ESD: variants seen among roughly 807,000 people sequenced by gnomAD.
The protein encoded by ESD is S-formylglutathione hydrolase.
In ESD, 34 loss-of-function variants were observed where a neutral mutation model predicts 38.1. That is an observed-to-expected ratio of 0.89 (90% CI 0.68 to 1.19). The LOEUF is 1.19. Among genes scored for constraint, ESD ranks in the 50% most tolerant of loss-of-function variants. The pLI is 0.00. For synonymous variants in ESD, 97 were observed against 107.0 expected, an observed-to-expected ratio of 0.91 and a Z score of 0.58; for missense variants, 334 against 327.2, an observed-to-expected ratio of 1.02 and a Z score of -0.16.
At chr13:46,775,946 G>C (rs371126449) in intron 9 of ESD, 31 of 225,734 alleles carry the variant, frequency 1.4e-4, no homozygotes, top group African/African-American at 6.5e-4. Flanking sequence ...TTCAGACTTT[G>C]TTGGCAGGCA....
At position 46,784,239 on chromosome 13, in the gene ESD, C is replaced by T. The variant is rs1326051070; in HGVS notation, c.256+13G>A. On this transcript the variant is annotated intron_variant, in intron 5 of 9. Transcript: ENST00000378720. ...AGATTTTTACAAAGGATATCTAGAC[C>T]ACAAACACTTACGAGGGCTGGTATC... 6.2e-7 allele frequency: 1 copy of T among 1,600,758 alleles called. No individual in the cohort carries two copies. The highest frequency in any genetic ancestry group is 8.6e-7 in the Non-Finnish European group (1 of 1,169,542).
intron 4 of ESD, 49 bp from the exon 5 acceptor site, chr13:46,784,399 G>A (rs1260132943): frequency 2.0e-5 from 26 of 1,321,616 alleles, no homozygotes; most frequent in Non-Finnish European, 2.8e-5. Context: ...ATGAAGATGT[G>A]CACCATTAAT....
intron 9 of ESD, chr13:46,777,237 CAA>C (rs1193361194): frequency 3.5e-5 from 12 of 339,212 alleles, no homozygotes; most frequent in Middle Eastern, 8.6e-4. Context: ...TGATGGAAAA[CAA>C]TATTTTTCAC....
At chr13:46,771,554 G>T in intron 9 of ESD, 58 bp from the exon 10 acceptor site, 1 of 1,092,846 alleles carries the variant, frequency 9.2e-7, no homozygotes, top group South Asian at 1.3e-5. Context: ...TCAGTATTAG[G>T]AACATTAAAT....
chr13:46,794,185 C>A (rs1042223307), intron 1 of ESD, among the ~76,000 whole-genome samples: 6 of 149,726 alleles, frequency 4.0e-5, no homozygotes, highest in East Asian at 2.1e-4. Flanking sequence ...ACAACAACAA[C>A]AAAAACAGAA....
chr13:46,779,600 T>G (rs1272773794), intron 8 of ESD, among the ~76,000 whole-genome samples: 2 of 150,658 alleles, frequency 1.3e-5, no homozygotes, highest in Non-Finnish European at 3.0e-5. Context: ...GAAGTGATGT[T>G]AATTTAGAAA....
chr13:46,781,381 A>G, intron 7 of ESD, 115 bp downstream of exon 7: 1 of 934,682 alleles, frequency 1.1e-6, no homozygotes, highest in Non-Finnish European at 1.5e-6. Flanking sequence ...AAAGTTCTCA[A>G]CACTAGAAAA....
intron 9 of ESD, among the ~76,000 whole-genome samples, chr13:46,775,013 C>G (rs1874740790): frequency 6.6e-6 from 1 of 152,032 alleles, no homozygotes; most frequent in Non-Finnish European, 1.5e-5. Context: ...TTCTATTCCA[C>G]AAAAAGAGAT....
chr13:46,789,522 A>C (rs1875315100), intron 3 of ESD, among the ~76,000 whole-genome samples: 1 of 152,186 alleles, frequency 6.6e-6, no homozygotes, highest in African/African-American at 2.4e-5. Flanking sequence ...TTGTTGGTGT[A>C]GATCTATTTT....
chr13:46,771,466 T>C lies in ESD; in HGVS notation c.799A>G (p.Thr267Ala), dbSNP rs371250799. 6 of 1,608,220 alleles carry C rather than the reference T, an allele frequency of 3.7e-6. No individual in the cohort carries two copies. Among genetic ancestry groups the C allele is most frequent in the African/African-American group, 1.3e-5 (1 of 74,820 alleles). Residue 267 changes from threonine to alanine, a missense_variant, in exon 10 of 10, where the codon ACC (threonine) becomes GCC (alanine). By Grantham distance (58) the Thr-to-Ala change is moderately conservative. Coordinates refer to ENST00000378720, the MANE Select transcript of ESD (RefSeq NM_001984.2). The part of the protein sequence containing the change: ...GYDHSYYFIA[T>A]FITDHIRHHA... ...TGTCTGATGTGGTCAGTAATAAAGG[T>C]TGCAATGAAGTAGTAGCTATGATCA...
rs575674032 is a variant in ESD, at chr13:46,784,228, G to A, written c.256+24C>T. ...CTTAAAGATTTAGATTTTTACAAAG[G>A]ATATCTAGACCACAAACACTTACGA... On this transcript the variant is annotated intron_variant, in intron 5 of 9. Transcript: ENST00000378720. 7.0e-6 allele frequency: 11 copies of A among 1,561,018 alleles called. 1 individual carries two copies. The South Asian group carries it at 1.1e-4, about 16-fold the overall frequency.
intron 3 of ESD, among the ~76,000 whole-genome samples, chr13:46,789,150 C>T (rs571387161): frequency 1.3e-5 from 2 of 152,254 alleles, no homozygotes; most frequent in South Asian, 2.1e-4. Flanking sequence ...TAATATAGCT[C>T]CACTCATCTG....
intron 4 of ESD, among the ~76,000 whole-genome samples, chr13:46,786,729 C>T (rs550500848): frequency 2.0e-5 from 3 of 152,070 alleles, no homozygotes; most frequent in Middle Eastern, 3.4e-3. Context: ...TCCAGAAATG[C>T]TTGGGTAGGT....
intron 4 of ESD, 96 bp downstream of exon 4, chr13:46,786,925 C>T (rs1447345160): frequency 1.5e-6 from 1 of 650,194 alleles, no homozygotes; most frequent in Non-Finnish European, 2.3e-6. Context: ...TCATAAATGG[C>T]TCAAAAAGCC....
chr13:46,785,350 G>A (rs1478514216), intron 4 of ESD, among the ~76,000 whole-genome samples: 1 of 151,966 alleles, frequency 6.6e-6, no homozygotes, highest in African/African-American at 2.4e-5. Flanking sequence ...TTATAATAGT[G>A]TGCCATGAAC....
intron 3 of ESD, among the ~76,000 whole-genome samples, chr13:46,788,240 C>T (rs1328737655): frequency 1.3e-5 from 2 of 151,938 alleles, no homozygotes; most frequent in African/African-American, 4.8e-5. Flanking sequence ...CACAAAGGCC[C>T]CATCATGGGA....
chr13:46,784,386 G>C, intron 4 of ESD, 36 bp from the exon 5 acceptor site: 3 of 1,413,668 alleles, frequency 2.1e-6, no homozygotes, highest in Non-Finnish European at 3.0e-6. Flanking sequence ...GGCACACATG[G>C]ACATGAAGAT....
rs533710958 is a variant in ESD at position 46,788,238 on chromosome 13, C to T, written c.69-1129G>A. Among the ~76,000 whole-genome samples the T allele has an allele frequency of 1.2e-4, 18 of 152,094 alleles. No individual in the cohort carries two copies. The South Asian group carries it at 3.7e-3, about 32-fold the overall frequency. ...TGTTAGGAATAGACTCCCACAAAGG[C>T]CCCATCATGGGAAGTTTTCTGTATG... On this transcript the variant is annotated intron_variant, in intron 3 of 9. Transcript: ENST00000378720.
intron 7 of ESD, 64 bp downstream of exon 7, chr13:46,781,432 G>A (rs1041436445): frequency 1.4e-6 from 2 of 1,419,342 alleles, no homozygotes; most frequent in Non-Finnish European, 1.9e-6. Flanking sequence ...TTTACTCTTT[G>A]AAGGTTCCTA....
Sources: allele counts gnomAD v4.1 joint callset (sites outside exome capture counted in the v4.1 genomes callset), GRCh38; gene constraint gnomAD v4.1.1; transcripts MANE v1.5; gene names NCBI Gene and HGNC (gene_info 2026-07-23, HGNC 2026-07-21).